DOCK4: variants seen among roughly 807,000 people sequenced by gnomAD.
The protein encoded by DOCK4 is dedicator of cytokinesis 4.
Under a neutral mutation model 268.1 loss-of-function variants are expected in DOCK4, and 97 were observed. The observed-to-expected ratio is 0.36, with a 90% confidence interval of 0.31 to 0.43. The LOEUF (loss-of-function observed/expected upper bound fraction) is 0.43. DOCK4 is among the 20% of genes least tolerant of loss of function. The pLI is 1.00. For missense variants in DOCK4, 2,145 were observed against 2,455.7 expected, an observed-to-expected ratio of 0.87 and a Z score of 2.67; for synonymous variants, 954 against 887.2, an observed-to-expected ratio of 1.08 and a Z score of -1.34.
At chr7:111,734,967 C>A in intron 51 of DOCK4, 87 bp downstream of exon 51, 1 of 1,068,930 alleles carries the variant, frequency 9.4e-7, no homozygotes, top group Non-Finnish European at 1.4e-6. Context: ...CAAACGCCTA[C>A]CTTTCTCTCA....
At chr7:111,902,658 G>GAAAGTTTTTAAAGTTTTT (rs1554364408) in intron 13 of DOCK4, among the ~76,000 whole-genome samples, 295 of 152,184 alleles carry the variant, frequency 1.9e-3, no homozygotes, top group African/African-American at 6.6e-3. Flanking sequence ...AGCACAACTA[G>GAAAGTTTTTAAAGTTTTT]AAAGTTTTTA....
chr7:111,772,514 G>A (rs1369644316), intron 36 of DOCK4, among the ~76,000 whole-genome samples: 4 of 152,166 alleles, frequency 2.6e-5, no homozygotes, highest in Non-Finnish European at 4.4e-5. Context: ...AACAAAAAGA[G>A]GCCAGGCACA....
chr7:111,976,081 C>T (rs1798129691), intron 8 of DOCK4, among the ~76,000 whole-genome samples: 1 of 130,056 alleles, frequency 7.7e-6, no homozygotes, highest in Non-Finnish European at 1.6e-5. Context: ...GTGGAGGTTA[C>T]AGTGAGCCAA....
At chr7:111,886,728 G>C (rs13239594) in intron 16 of DOCK4, among the ~76,000 whole-genome samples, 2 of 152,046 alleles carry the variant, frequency 1.3e-5, no homozygotes, top group Non-Finnish European at 2.9e-5. Flanking sequence ...ATGGATCCTG[G>C]AACAGAAAAA....
At chr7:111,783,120 C>T (rs964439369) in intron 34 of DOCK4, among the ~76,000 whole-genome samples, 196 bp from the exon 35 acceptor site, 3 of 152,066 alleles carry the variant, frequency 2.0e-5, no homozygotes, top group African/African-American at 7.2e-5. Flanking sequence ...AATCTAATCT[C>T]TAGGGAATCT....
At chr7:111,768,496 T>C (rs1475843390) in intron 37 of DOCK4, among the ~76,000 whole-genome samples, 2 of 152,218 alleles carry the variant, frequency 1.3e-5, no homozygotes, top group Non-Finnish European at 2.9e-5. Flanking sequence ...TGTTTAACCT[T>C]TGCAATCTGG....
intron 1 of DOCK4, among the ~76,000 whole-genome samples, chr7:112,060,093 T>C (rs1490450226): frequency 1.3e-5 from 2 of 152,208 alleles, no homozygotes; most frequent in African/African-American, 4.8e-5. Context: ...TACTTAGGGC[T>C]GCCAGCTCCT....
intron 16 of DOCK4, among the ~76,000 whole-genome samples, chr7:111,877,769 G>C (rs979453863): frequency 2.6e-5 from 4 of 152,140 alleles, no homozygotes; most frequent in Non-Finnish European, 5.9e-5. Context: ...TACAGACTTA[G>C]AAAATATAAT....
intron 2 of DOCK4, among the ~76,000 whole-genome samples, chr7:112,002,847 C>T (rs1048561683): frequency 2.6e-5 from 4 of 151,786 alleles, no homozygotes; most frequent in African/African-American, 4.8e-5. Context: ...GTCAGGAGTT[C>T]GAGGACAGCC....
At chr7:111,760,738 T>TTGTGTGTGTGTGTG (rs3997406) in intron 39 of DOCK4, among the ~76,000 whole-genome samples, 2 of 136,910 alleles carry the variant, frequency 1.5e-5, no homozygotes, top group African/African-American at 5.6e-5. Context: ...TGTCTGCTTT[T>TTGTGTGTGTGTGTG]TGTGTGTGTG....
chr7:112,148,120 T>C (rs1474008184), intron 1 of DOCK4, among the ~76,000 whole-genome samples: 1 of 152,014 alleles, frequency 6.6e-6, no homozygotes, highest in East Asian at 1.9e-4. Flanking sequence ...GTAGACGGCA[T>C]TGTCCTGGAA....
In DOCK4 at chr7:111,940,158, T is replaced by C. The variant is rs749712877; in HGVS notation, c.929A>G (p.Asp310Gly). The change falls in exon 11 of 53, where the codon GAC becomes GGC. Residue 310 changes from aspartate (D) to glycine (G), a missense_variant. Asp to Gly is a moderately conservative substitution (Grantham distance 94). This residue lies in a region of DOCK4 where 1,598 missense variants were observed against 1,986.7 expected (regional missense o/e 0.80). Coordinates refer to ENST00000428084, the MANE Select transcript of DOCK4 (RefSeq NM_001363540.2). ...ATCCTTTGTCTCTCCTGTTAGCAGGTCAGCGATGCTAAGAACTGCACAGCC... is the reference window on the plus strand; with the variant it reads ...ATCCTTTGTCTCTCCTGTTAGCAGGCCAGCGATGCTAAGAACTGCACAGCC... ...PFGCAVLSIA[D>G]LLTGETKDDL... The C allele has an allele frequency of 4.1e-5, 66 of 1,614,026 alleles. 2 individuals carry two copies. In the South Asian group the frequency reaches 7.2e-4, roughly 18 times the overall value.
At chr7:111,875,179 C>T (rs2134253404) in intron 17 of DOCK4, among the ~76,000 whole-genome samples, 1 of 152,324 alleles carries the variant, frequency 6.6e-6, no homozygotes, top group East Asian at 1.9e-4. Context: ...ACTTATCCGT[C>T]TCCAAAGATG....
chr7:111,927,332 T>C (rs1448570243), intron 12 of DOCK4, among the ~76,000 whole-genome samples: 1 of 152,218 alleles, frequency 6.6e-6, no homozygotes, highest in African/African-American at 2.4e-5. Context: ...GGCTAAGAGT[T>C]ATAAAGAACA....
intron 31 of DOCK4, among the ~76,000 whole-genome samples, chr7:111,790,193 T>A (rs1368775415): frequency 6.6e-6 from 1 of 152,066 alleles, no homozygotes; most frequent in African/African-American, 2.4e-5. Flanking sequence ...TCTCTGCAAG[T>A]TCTTAAATAC....
At chr7:111,741,699 T>C (rs754526204) in intron 45 of DOCK4, 38 bp from the exon 46 acceptor site, 3 of 1,601,750 alleles carry the variant, frequency 1.9e-6, no homozygotes, top group East Asian at 2.2e-5. Context: ...ATTACAGTAA[T>C]GATTTGGGCA....
At chr7:111,891,278 G>A (rs987349677) in intron 16 of DOCK4, among the ~76,000 whole-genome samples, 1 of 151,886 alleles carries the variant, frequency 6.6e-6, no homozygotes, top group Non-Finnish European at 1.5e-5. Context: ...TAATATTTAA[G>A]GATATCATTC....
At chr7:111,812,171 T>C (rs1801185493) in intron 27 of DOCK4, among the ~76,000 whole-genome samples, 1 of 152,236 alleles carries the variant, frequency 6.6e-6, no homozygotes, top group Non-Finnish European at 1.5e-5. Flanking sequence ...ACACGAAAGA[T>C]CTATGAATTC....
chr7:111,728,612 TGA>T lies in DOCK4; in HGVS notation c.5588_5589del (p.Leu1863GlnfsTer12), dbSNP rs1479946465. On this transcript the variant is annotated frameshift_variant, in exon 53 of 53. Coordinates refer to ENST00000428084, the MANE Select transcript of DOCK4 (RefSeq NM_001363540.2). LOFTEE classifies it high-confidence loss of function. ...GAGGTTTCCGACGTGCTGCACCGGC[TGA>T]GAGAAGAAATCCCACTGCTGTAGCT... ...SGSYSSGISS[L>X]SRCSTSETSG... The T allele has an allele frequency of 1.9e-6, 3 of 1,613,914 alleles. No individual in the cohort carries two copies. The highest frequency in any genetic ancestry group is 2.2e-5 in the East Asian group (1 of 44,858).
Sources: gnomAD v4.1 joint callset for allele counts (sites outside exome capture counted in the v4.1 genomes callset) on GRCh38, gnomAD v4.1.1 for gene constraint, gnomAD v4.1.1 regional missense constraint, MANE v1.5 for transcripts, NCBI Gene and HGNC (gene_info 2026-07-23, HGNC 2026-07-21) for gene names.